The following XNDC1N variants were observed in gnomAD, a reference collection of about 807,000 sequenced individuals.
XNDC1N encodes XRCC1 N-terminal domain containing 1, N-terminal like, also known as protein XNDC1N.
the XNDC1N span, among the ~76,000 whole-genome samples, chr11:71,890,336 G>A: frequency 2.6e-5 from 4 of 152,104 alleles, no homozygotes; most frequent in Non-Finnish European, 4.4e-5. Context: ...TCAATGGAAT[G>A]TCATCCTGCG....
At chr11:71,872,328 A>C in the XNDC1N span, among the ~76,000 whole-genome samples, 1 of 152,222 alleles carries the variant, frequency 6.6e-6, no homozygotes, top group Non-Finnish European at 1.5e-5. Context: ...AAGCCACTAC[A>C]TTTTGGAAAA....
the XNDC1N span, among the ~76,000 whole-genome samples, chr11:71,886,142 T>C: frequency 2.0e-5 from 3 of 151,860 alleles, no homozygotes; most frequent in African/African-American, 7.3e-5. Context: ...GAGAGGCGTG[T>C]TTTTGGGTAC....
the XNDC1N span, among the ~76,000 whole-genome samples, chr11:71,891,630 T>C: frequency 6.6e-6 from 1 of 152,148 alleles, no homozygotes. Context: ...TTTTCCTTTC[T>C]GGATATTAGG....
chr11:71,924,538 C>T, the XNDC1N span, among the ~76,000 whole-genome samples: 1 of 151,868 alleles, frequency 6.6e-6, no homozygotes, highest in Non-Finnish European at 1.5e-5. Context: ...ATAAGCCTGG[C>T]GTGGTGGTGG....
chr11:71,884,218 T>G, the XNDC1N span: 1 of 577,334 alleles, frequency 1.7e-6, no homozygotes, highest in Non-Finnish European at 2.8e-6. Flanking sequence ...TTTACTACTC[T>G]CTTTACAGAA....
At chr11:71,870,718 C>T in the XNDC1N span, among the ~76,000 whole-genome samples, 1 of 152,194 alleles carries the variant, frequency 6.6e-6, no homozygotes, top group Admixed American at 6.5e-5. Context: ...AAAAAATGGG[C>T]ATGGGAGGTG....
chr11:71,899,330 T>C, the XNDC1N span, among the ~76,000 whole-genome samples: 1 of 152,066 alleles, frequency 6.6e-6, no homozygotes, highest in Non-Finnish European at 1.5e-5. Flanking sequence ...CTGTTCTCCG[T>C]GGTCATGGCC....
chr11:71,897,396 C>T, the XNDC1N span, among the ~76,000 whole-genome samples: 1 of 152,210 alleles, frequency 6.6e-6, no homozygotes, highest in African/African-American at 2.4e-5. Context: ...AAACCCAAAG[C>T]ATCCCATCAA....
chr11:71,876,181 G>A, the XNDC1N span, among the ~76,000 whole-genome samples: 1 of 152,110 alleles, frequency 6.6e-6, no homozygotes, highest in African/African-American at 2.4e-5. Flanking sequence ...TGAAAATCTG[G>A]TGTCTTCCTG....
chr11:71,880,717 T>G, the XNDC1N span, among the ~76,000 whole-genome samples: 1 of 152,210 alleles, frequency 6.6e-6, no homozygotes, highest in East Asian at 1.9e-4. Flanking sequence ...TGTTTCCATT[T>G]GCATTTATTT....
At chr11:71,879,080 C>G in the XNDC1N span, among the ~76,000 whole-genome samples, 1 of 151,918 alleles carries the variant, frequency 6.6e-6, no homozygotes, top group African/African-American at 2.4e-5. Flanking sequence ...ACACAGAACA[C>G]AGGAAATTTA....
At chr11:71,918,234 T>C in the XNDC1N span, among the ~76,000 whole-genome samples, 2 of 152,178 alleles carry the variant, frequency 1.3e-5, no homozygotes, top group African/African-American at 4.8e-5. Context: ...CTCTCCAGCA[T>C]CCTCCTGACA....
At chr11:71,902,134 C>A in the XNDC1N span, among the ~76,000 whole-genome samples, 1 of 152,160 alleles carries the variant, frequency 6.6e-6, no homozygotes, top group Non-Finnish European at 1.5e-5. Context: ...TGAATTGACA[C>A]TTCCTTGCTT....
chr11:71,910,149 C>T, the XNDC1N span, among the ~76,000 whole-genome samples: 1 of 152,178 alleles, frequency 6.6e-6, no homozygotes. Context: ...TTGTCAGTCT[C>T]CATGGAACAC....
the XNDC1N span, among the ~76,000 whole-genome samples, chr11:71,881,795 A>G: frequency 0.036 from 5,535 of 152,308 alleles, 332 homozygotes; most frequent in African/African-American, 0.13. Context: ...AGAATTTTAA[A>G]TAGCAACTTC....
the XNDC1N span, among the ~76,000 whole-genome samples, chr11:71,867,530 C>T: frequency 6.6e-6 from 1 of 152,218 alleles, no homozygotes; most frequent in Admixed American, 6.5e-5. Flanking sequence ...GTTCCAGATG[C>T]AGCCTCAAAA....
At chr11:71,895,405 A>G in the XNDC1N span, among the ~76,000 whole-genome samples, 7 of 148,648 alleles carry the variant, frequency 4.7e-5, no homozygotes, top group Admixed American at 4.7e-4. Flanking sequence ...TGCCTCCCCT[A>G]TTCAAGCAAT....
chr11:71,883,514 G>A, the XNDC1N span, among the ~76,000 whole-genome samples: 1 of 152,200 alleles, frequency 6.6e-6, no homozygotes, highest in African/African-American at 2.4e-5. Flanking sequence ...TCAATACGTG[G>A]TACTAAGAAA....
At chr11:71,885,813 T>A in the XNDC1N span, among the ~76,000 whole-genome samples, 1 of 151,978 alleles carries the variant, frequency 6.6e-6, no homozygotes, top group Non-Finnish European at 1.5e-5. Context: ...CTAATATTAC[T>A]GTTTTCTAAT....
Sources: gnomAD v4.1 joint callset for allele counts (sites outside exome capture counted in the v4.1 genomes callset) on GRCh38, gnomAD v4.1.1 for gene constraint, MANE v1.5 for transcripts, NCBI Gene and HGNC (gene_info 2026-07-23, HGNC 2026-07-21) for gene names.